SCHIP1: variants seen among roughly 807,000 people sequenced by gnomAD.
The protein encoded by SCHIP1 is schwannomin-interacting protein 1.
In SCHIP1, 8 loss-of-function variants were observed where a neutral mutation model predicts 29.7. The observed-to-expected ratio is 0.27, with a 90% CI of 0.16 to 0.49. The LOEUF is 0.49. Ranked by LOEUF, SCHIP1 falls within the 20% of genes least tolerant of loss-of-function variation. The pLI is 0.99. For missense variants in SCHIP1, 193 were observed against 294.6 expected (o/e 0.66, Z 2.52); for synonymous variants, 76 against 94.9 (o/e 0.80, Z 1.16).
the SCHIP1 span, among the ~76,000 whole-genome samples, chr3:159,824,956 A>C: frequency 3.9e-4 from 59 of 152,298 alleles, 1 homozygote; most frequent in African/African-American, 1.3e-3. Flanking sequence ...CAAATTTAAA[A>C]GTATGTCTTT....
the SCHIP1 span, among the ~76,000 whole-genome samples, chr3:159,474,993 G>T: frequency 6.6e-6 from 1 of 152,150 alleles, no homozygotes; most frequent in Non-Finnish European, 1.5e-5. Flanking sequence ...TATATTGCAG[G>T]TGGAAATGTA....
chr3:159,339,850 AAAG>A, the SCHIP1 span, among the ~76,000 whole-genome samples: 2 of 152,134 alleles, frequency 1.3e-5, no homozygotes, highest in African/African-American at 2.4e-5. Context: ...TGTCCACTGA[AAAG>A]AAGATATAGC....
the SCHIP1 span, among the ~76,000 whole-genome samples, chr3:159,416,378 G>A: frequency 6.6e-6 from 1 of 152,114 alleles, no homozygotes; most frequent in Non-Finnish European, 1.5e-5. Context: ...TATGTATTTA[G>A]TTTCTTGTTT....
chr3:159,553,168 A>AT, the SCHIP1 span, among the ~76,000 whole-genome samples: 5 of 151,854 alleles, frequency 3.3e-5, no homozygotes, highest in Admixed American at 1.3e-4. Context: ...AATTATTTGG[A>AT]TATGTATTTA....
the SCHIP1 span, among the ~76,000 whole-genome samples, chr3:159,331,061 T>G: frequency 6.6e-6 from 1 of 152,148 alleles, no homozygotes; most frequent in Admixed American, 6.5e-5. Flanking sequence ...AAGCAGACCT[T>G]GAGACAAGGG....
chr3:159,864,933 C>A (rs549793437), intron 1 of SCHIP1, among the ~76,000 whole-genome samples: 1 of 152,266 alleles, frequency 6.6e-6, no homozygotes, highest in African/African-American at 2.4e-5. Context: ...ATGCAAATAA[C>A]CACATGACAC....
At chr3:159,404,172 T>A in the SCHIP1 span, among the ~76,000 whole-genome samples, 1 of 152,162 alleles carries the variant, frequency 6.6e-6, no homozygotes, top group Non-Finnish European at 1.5e-5. Flanking sequence ...GATTCAGAGA[T>A]GTGCTGGCTT....
the SCHIP1 span, among the ~76,000 whole-genome samples, chr3:159,817,296 C>T: frequency 1.1e-3 from 168 of 151,878 alleles, 1 homozygote; most frequent in African/African-American, 3.9e-3. Flanking sequence ...GAAAAGCAAG[C>T]AATGGGGTGG....
the SCHIP1 span, among the ~76,000 whole-genome samples, chr3:159,708,984 A>G: frequency 6.6e-6 from 1 of 152,222 alleles, no homozygotes; most frequent in Non-Finnish European, 1.5e-5. Flanking sequence ...ATTGGAAGCC[A>G]GAGAACAGGG....
the SCHIP1 span, among the ~76,000 whole-genome samples, chr3:159,454,227 A>G: frequency 1.3e-5 from 2 of 152,182 alleles, no homozygotes; most frequent in African/African-American, 4.8e-5. Flanking sequence ...TCTGGAGGGT[A>G]GTGTGAGCAT....
the SCHIP1 span, among the ~76,000 whole-genome samples, chr3:159,779,119 G>A: frequency 6.8e-3 from 1,036 of 152,176 alleles, 14 homozygotes; most frequent in African/African-American, 0.024. Flanking sequence ...CCTGGGAGAG[G>A]GTACATTATA....
At chr3:159,768,527 T>A in the SCHIP1 span, 1 of 152,160 alleles carries the variant, frequency 6.6e-6, no homozygotes, top group Non-Finnish European at 1.5e-5. Context: ...GAGAGGCAAA[T>A]TTAAAAATGC....
the SCHIP1 span, among the ~76,000 whole-genome samples, chr3:159,831,900 T>C: frequency 6.6e-6 from 1 of 152,160 alleles, no homozygotes; most frequent in African/African-American, 2.4e-5. Flanking sequence ...GGGGGAATGA[T>C]TGTATGTCTG....
upstream of SCHIP1, among the ~76,000 whole-genome samples, chr3:159,839,285 ACATT>A: frequency 8.1e-6 from 1 of 123,772 alleles, no homozygotes; most frequent in African/African-American, 3.8e-5. Flanking sequence ...ACAAAGCCTT[ACATT>A]AAAAAAAAAA....
chr3:159,398,885 T>C, the SCHIP1 span: 8 of 777,754 alleles, frequency 1.0e-5, no homozygotes, highest in East Asian at 8.9e-4. Flanking sequence ...GACACCCAAG[T>C]AGAAACGTCC....
At chr3:159,363,644 C>T in the SCHIP1 span, among the ~76,000 whole-genome samples, 2 of 152,214 alleles carry the variant, frequency 1.3e-5, no homozygotes, top group Non-Finnish European at 2.9e-5. Flanking sequence ...CCAACCCAAT[C>T]ACTCTCCAAA....
At chr3:159,786,350 A>G in the SCHIP1 span, among the ~76,000 whole-genome samples, 1 of 152,216 alleles carries the variant, frequency 6.6e-6, no homozygotes, top group Non-Finnish European at 1.5e-5. Context: ...GGTCATCTGG[A>G]CATCAACATT....
At chr3:159,503,951 A>C in the SCHIP1 span, among the ~76,000 whole-genome samples, 7 of 152,334 alleles carry the variant, frequency 4.6e-5, no homozygotes, top group Non-Finnish European at 7.4e-5. Context: ...ATGATACAGA[A>C]TGGGAGATGA....
At chr3:159,759,831 T>C in the SCHIP1 span, among the ~76,000 whole-genome samples, 1 of 152,232 alleles carries the variant, frequency 6.6e-6, no homozygotes, top group Non-Finnish European at 1.5e-5. Flanking sequence ...GCTAATAATA[T>C]AAGAATTAGT....
Sources: allele counts gnomAD v4.1 joint callset (sites outside exome capture counted in the v4.1 genomes callset), GRCh38; gene constraint gnomAD v4.1.1; transcripts MANE v1.5; gene names NCBI Gene and HGNC (gene_info 2026-07-23, HGNC 2026-07-21).